The following H2BC5 variants were observed in gnomAD, a reference collection of about 807,000 sequenced individuals.
The protein encoded by H2BC5 is H2B clustered histone 5, also known as histone H2B type 1-D.
In H2BC5, 9 loss-of-function variants were observed where a neutral mutation model predicts 5.7. The observed-to-expected ratio is 1.57, with a 90% CI of 0.95 to 2.74. H2BC5 has a LOEUF of 2.74. Ranked by LOEUF, H2BC5 falls within the 30% of genes most tolerant of loss-of-function variation. The pLI, the probability that H2BC5 is intolerant of heterozygous loss-of-function variation, is 0.00. For synonymous variants in H2BC5, 133 were observed against 70.9 expected, an observed-to-expected ratio of 1.88 and a Z score of -4.40; for missense variants, 175 against 168.8, an observed-to-expected ratio of 1.04 and a Z score of -0.20.
At chr6:26,170,626 C>T (rs768372772) in intron 1 of H2BC5, among the ~76,000 whole-genome samples, 1 of 152,142 alleles carries the variant, frequency 6.6e-6, no homozygotes, top group Admixed American at 6.5e-5. Context: ...CAATATTTAA[C>T]AGTTATTATA....
downstream of H2BC5, among the ~76,000 whole-genome samples, chr6:26,160,238 C>T (rs528614250): frequency 3.9e-5 from 6 of 152,220 alleles, no homozygotes; most frequent in African/African-American, 1.4e-4. Context: ...TGGTTTTGTG[C>T]CCCTGAGCAC....
chr6:26,158,663 A>G (rs137881696), downstream of H2BC5: 2 of 1,465,238 alleles, frequency 1.4e-6, no homozygotes, highest in African/African-American at 2.8e-5. Flanking sequence ...TATTGGACTT[A>G]GCACCACAGT....
intron 1 of H2BC5, among the ~76,000 whole-genome samples, chr6:26,169,018 T>C (rs552690508): frequency 2.4e-4 from 37 of 151,938 alleles, no homozygotes; most frequent in African/African-American, 8.7e-4. Flanking sequence ...TATTGCAGAG[T>C]ATGAAAAAAT....
At chr6:26,158,938 C>T (rs951308571), downstream of H2BC5, among the ~76,000 whole-genome samples, 1 of 152,186 alleles carries the variant, frequency 6.6e-6, no homozygotes, top group Admixed American at 6.5e-5. Flanking sequence ...ACGCTCTTGA[C>T]AACTTCCTTA....
chr6:26,166,920 C>T (rs1440879096), intron 1 of H2BC5, among the ~76,000 whole-genome samples: 3 of 151,446 alleles, frequency 2.0e-5, no homozygotes, highest in East Asian at 1.9e-4. Context: ...AGGCTGGTCT[C>T]GAACTCCTGA....
At chr6:26,169,143 T>A (rs1764481509) in intron 1 of H2BC5, among the ~76,000 whole-genome samples, 1 of 152,036 alleles carries the variant, frequency 6.6e-6, no homozygotes, top group Non-Finnish European at 1.5e-5. Context: ...AGTAAAAAAA[T>A]GTTCCAAGTG....
chr6:26,171,151 G>A (rs987208948), exon 2 of H2BC5: 1 of 152,148 alleles, frequency 6.6e-6, no homozygotes, highest in Non-Finnish European at 1.5e-5. Context: ...CCGAGGGGAA[G>A]GAACTAAAGG....
chr6:26,158,668 C>G, downstream of H2BC5: 2 of 1,433,574 alleles, frequency 1.4e-6, no homozygotes, highest in Admixed American at 2.4e-5. Flanking sequence ...GACTTAGCAC[C>G]ACAGTACCAA....
At chr6:26,158,868 TG>T (rs1764292709), downstream of H2BC5, among the ~76,000 whole-genome samples, 1 of 152,186 alleles carries the variant, frequency 6.6e-6, no homozygotes, top group Non-Finnish European at 1.5e-5. Flanking sequence ...ATTTCCAAGT[TG>T]ATCGTGATGT....
downstream of H2BC5, among the ~76,000 whole-genome samples, chr6:26,162,682 G>A (rs934797194): frequency 3.9e-5 from 6 of 151,958 alleles, no homozygotes; most frequent in East Asian, 1.9e-4. Context: ...GATTACAGGC[G>A]CACACCACCG....
At chr6:26,159,907 G>A (rs541338511), downstream of H2BC5, among the ~76,000 whole-genome samples, 5 of 152,310 alleles carry the variant, frequency 3.3e-5, no homozygotes, top group Non-Finnish European at 7.4e-5. Context: ...CTTGGCCCAT[G>A]TTAAACCCCA....
chr6:26,160,536 AGCAAC>A (rs1764334954), downstream of H2BC5, among the ~76,000 whole-genome samples: 1 of 145,422 alleles, frequency 6.9e-6, no homozygotes, highest in Admixed American at 6.9e-5. Flanking sequence ...AAAAAAAAAA[AGCAAC>A]AGACAATGGA....
Position 26,158,599 on chromosome 6 carries a change from A to C in H2BC5, c.*49A>C. ...ACCTAATCCCAAAGGCTCTTTTAAG[A>C]GCCACGCATGTTTTCAATAAATGAG... On this transcript the variant is annotated 3_prime_UTR_variant, in exon 1 of 1. Coordinates refer to ENST00000377777, the MANE Select transcript of H2BC5 (RefSeq NM_021063.4). 1.3e-6 allele frequency: 2 copies of C among 1,595,872 alleles called. No homozygotes were observed. The highest frequency in any genetic ancestry group is 1.7e-6 in the Non-Finnish European group (2 of 1,172,232).
chr6:26,167,476 C>A (rs896892919), intron 1 of H2BC5, among the ~76,000 whole-genome samples: 5 of 152,198 alleles, frequency 3.3e-5, no homozygotes, highest in African/African-American at 9.7e-5. Context: ...AGGTGCTAAG[C>A]CCCTAGGTCA....
intron 1 of H2BC5, among the ~76,000 whole-genome samples, chr6:26,168,491 T>A (rs1764470103): frequency 6.6e-6 from 1 of 151,142 alleles, no homozygotes; most frequent in African/African-American, 2.4e-5. Flanking sequence ...TTAGTAAAAA[T>A]AAAAATTTGA....
At chr6:26,158,753 G>T, downstream of H2BC5, 3 of 828,256 alleles carry the variant, frequency 3.6e-6, no homozygotes, top group Non-Finnish European at 5.6e-6. Flanking sequence ...ACTAGAAATT[G>T]AGTGCTATGG....
chr6:26,158,638 A>C, downstream of H2BC5: 1 of 1,550,002 alleles, frequency 6.5e-7, no homozygotes, highest in Non-Finnish European at 8.7e-7. Context: ...TAATCATTTC[A>C]TTCAAAAGGG....
chr6:26,166,277 G>A (rs1308412688), intron 1 of H2BC5, among the ~76,000 whole-genome samples: 2 of 152,142 alleles, frequency 1.3e-5, no homozygotes, highest in Non-Finnish European at 2.9e-5. Context: ...TAGTATGTGG[G>A]AAGCCCATTT....
chr6:26,161,835 A>G (rs1189977068), downstream of H2BC5, among the ~76,000 whole-genome samples: 1 of 152,164 alleles, frequency 6.6e-6, no homozygotes, highest in Non-Finnish European at 1.5e-5. Context: ...TCTGACGTTG[A>G]CCTAATCACA....
Sources: gnomAD v4.1 joint callset for allele counts (sites outside exome capture counted in the v4.1 genomes callset) on GRCh38, gnomAD v4.1.1 for gene constraint, MANE v1.5 for transcripts, NCBI Gene and HGNC (gene_info 2026-07-23, HGNC 2026-07-21) for gene names.